UGT2A1: variants seen among roughly 807,000 people sequenced by gnomAD.
UGT2A1 encodes UDP-glucuronosyltransferase 2A1.
A neutral mutation model predicts 45.4 loss-of-function variants in UGT2A1; 61 were observed. The observed-to-expected ratio is 1.34, with a 90% CI of 1.09 to 1.66. The LOEUF is 1.66. Among genes scored for constraint, UGT2A1 ranks in the 40% most tolerant of loss-of-function variants. UGT2A1 has a pLI of 0.00. For synonymous variants in UGT2A1, 229 were observed against 196.2 expected (o/e 1.17, Z -1.40); for missense variants, 649 against 574.3 (o/e 1.13, Z -1.33).
chr4:69,629,215 G>A (rs17674565), intron 3 of UGT2A1, among the ~76,000 whole-genome samples: 28,791 of 151,944 alleles, frequency 0.19, 3,002 homozygotes, highest in Non-Finnish European at 0.22. Context: ...CAGGTAGAAA[G>A]GGAGCCAGGT....
At chr4:69,649,916 T>A (rs1298198555) in intron 1 of UGT2A1, among the ~76,000 whole-genome samples, 2 of 152,104 alleles carry the variant, frequency 1.3e-5, no homozygotes, top group Non-Finnish European at 2.9e-5. Context: ...GTTAAGGGCC[T>A]GCATGTGCAT....
At chr4:69,596,496 G>T in intron 4 of UGT2A1, 3 of 1,304,302 alleles carry the variant, frequency 2.3e-6, no homozygotes, top group Admixed American at 3.3e-5. Context: ...CTGTTGAACT[G>T]TCTGTCTTCT....
At chr4:69,620,214 G>A (rs1486720263) in intron 3 of UGT2A1, among the ~76,000 whole-genome samples, 1 of 151,914 alleles carries the variant, frequency 6.6e-6, no homozygotes, top group Non-Finnish European at 1.5e-5. Context: ...CACACAACAT[G>A]ATTCTATATG....
Position 69,599,278 on chromosome 4 carries a change from A to C in UGT2A1, c.964T>G (p.Leu322Val). Residue 322 changes from leucine (L) to valine (V), a missense_variant, in exon 4 of 7, where the codon TTG becomes GTG. Transcript: ENST00000286604. Reference protein sequence around the residue: ...YLPNFEFVGGLHCKPAKPLPK... With the variant: ...YLPNFEFVGGVHCKPAKPLPK... Reference sequence around the variant, plus strand: ...AAAGGTTTGGCAGGTTTGCAGTGCAATCCTCCAACAAACTCAAAATTAGGT... The same window carrying C: ...AAAGGTTTGGCAGGTTTGCAGTGCACTCCTCCAACAAACTCAAAATTAGGT... 2 of 1,613,742 alleles carry C rather than the reference A, an allele frequency of 1.2e-6. No homozygotes were observed. Among genetic ancestry groups the C allele is most frequent in the Non-Finnish European group, 1.7e-6 (2 of 1,179,874 alleles).
At position 69,640,825 on chromosome 4, in the gene UGT2A1, A is replaced by T. The variant is rs192729895; in HGVS notation, c.716-5003T>A. Among the ~76,000 whole-genome samples the T allele has an allele frequency of 3.6e-3, 549 of 151,964 alleles. 2 individuals carry two copies. Among genetic ancestry groups the T allele is most frequent in the African/African-American group, 0.013 (523 of 41,538 alleles). Reference sequence around the variant, plus strand: ...TAAGCCTCAATTTGAATATAGTGGCAGTACCTTAAAAATTAATTAGATTTT... The same window carrying T: ...TAAGCCTCAATTTGAATATAGTGGCTGTACCTTAAAAATTAATTAGATTTT... On this transcript the variant is annotated intron_variant, in intron 2 of 6. Transcript: ENST00000286604.
rs1295065189 is a variant in UGT2A1 at position 69,628,596 on chromosome 4, T to C, written c.847+7095A>G. 2.0e-5 allele frequency among the ~76,000 whole-genome samples: 3 copies of C among 151,558 alleles called. No homozygotes were observed. The East Asian group carries it at 5.8e-4, about 30-fold the overall frequency. ...TATCTGAAGCCATCACTCTTCAAAT[T>C]TGATGAAAAAAATTCTTAAAACTTA... On this transcript the variant is annotated intron_variant, in intron 3 of 6. Transcript: ENST00000286604.
At chr4:69,624,469 T>C (rs748442663) in intron 3 of UGT2A1, among the ~76,000 whole-genome samples, 2 of 151,566 alleles carry the variant, frequency 1.3e-5, no homozygotes, top group African/African-American at 4.8e-5. Flanking sequence ...AATGTGATTA[T>C]CTACATGTTT....
rs922137266 is a variant in UGT2A1 at position 69,602,558 on chromosome 4, G to A, written c.848-3164C>T. On this transcript the variant is annotated intron_variant, in intron 3 of 6. Transcript: ENST00000286604. The stretch of plus-strand genomic sequence containing the variant: ...AAAACAATATACAGATAAATCTTCA[G>A]AATGAGGAAGAGAAGTTTTAATTTT... Among the ~76,000 whole-genome samples the A allele has an allele frequency of 4.4e-5, 6 of 137,082 alleles. 1 individual carries two copies. The highest frequency in any genetic ancestry group is 2.9e-4 in the Admixed American group (4 of 13,978). 89.9% of individuals were successfully genotyped at this position (137,082 alleles called of 152,430 possible).
In UGT2A1 at chr4:69,647,633, G is replaced by GT. The variant is rs776219444; in HGVS notation, c.11dup (p.Asn4LysfsTer28). ...TTATCTGAAGGGAGAACAGCAGAAG[G>GT]TTGTTTAACATGATGTGGCTTGATG... On this transcript the variant is annotated frameshift_variant, in exon 2 of 7. Transcript: ENST00000286604. LOFTEE classifies it high-confidence loss of function. 5.1e-6 allele frequency: 8 copies of GT among 1,573,326 alleles called. No individual in the cohort carries two copies. Among genetic ancestry groups the GT allele is most frequent in the Non-Finnish European group, 4.3e-6 (5 of 1,161,830 alleles).
intron 1 of UGT2A1, 153 bp from the exon 2 acceptor site, chr4:69,647,851 C>A: frequency 2.5e-6 from 1 of 394,796 alleles, no homozygotes. Flanking sequence ...TGTCTTACTT[C>A]TCAAATCTGT....
At chr4:69,616,547 A>G (rs1463159075) in intron 3 of UGT2A1, among the ~76,000 whole-genome samples, 1 of 151,996 alleles carries the variant, frequency 6.6e-6, no homozygotes, top group East Asian at 1.9e-4. Flanking sequence ...TTAAACAATT[A>G]TAACATGTAC....
Position 69,647,338 on chromosome 4 carries a change from T to C in UGT2A1, c.307A>G (p.Thr103Ala), listed in dbSNP as rs927661180. The C allele has an allele frequency of 2.5e-6, 4 of 1,613,246 alleles. No homozygotes were observed. The African/African-American group carries it at 4.0e-5, about 16-fold the overall frequency. The part of the protein sequence containing the change: ...TWLENRPSPS[T>A]IWRFYQEMAK... Reference sequence around the variant, plus strand: ...ATCTCCTGATAGAATCTCCAAATGGTTGAAGGAGATGGTCTATTTTCCAGC... The same window carrying C: ...ATCTCCTGATAGAATCTCCAAATGGCTGAAGGAGATGGTCTATTTTCCAGC... Residue 103 changes from threonine to alanine, a missense_variant, in exon 2 of 7, where the codon ACC (threonine) becomes GCC (alanine). Thr to Ala is a moderately conservative substitution (Grantham distance 58). Transcript: ENST00000286604.
Position 69,647,374 on chromosome 4 carries a change from C to A in UGT2A1, c.271G>T (p.Val91Phe). The A allele has an allele frequency of 6.2e-7, 1 of 1,613,240 alleles. No homozygotes were observed. The highest frequency in any genetic ancestry group is 8.5e-7 in the Non-Finnish European group (1 of 1,179,506). The change falls in exon 2 of 7, where the codon GTT (valine) becomes TTT (phenylalanine). Residue 91 changes from valine (V) to phenylalanine (F), a missense_variant. Transcript: ENST00000286604. ...ERIEGVIKDF[V>F]LTWLENRPSP... is the part of the protein sequence containing the mutation. ...GGTCTATTTTCCAGCCATGTCAAAA[C>A]GAAGTCCTTAATTACTCCTTCTATT... is the stretch of plus-strand genomic sequence containing the variant.
At chr4:69,628,250 A>C (rs2109950464) in intron 3 of UGT2A1, among the ~76,000 whole-genome samples, 1 of 150,844 alleles carries the variant, frequency 6.6e-6, no homozygotes, top group African/African-American at 2.4e-5. Flanking sequence ...TTAAAGAAAT[A>C]GAAAAAACAA....
chr4:69,652,702 TAAG>T (rs1722597550), intron 1 of UGT2A1, among the ~76,000 whole-genome samples: 1 of 152,144 alleles, frequency 6.6e-6, no homozygotes, highest in African/African-American at 2.4e-5. Context: ...TAAACAATAT[TAAG>T]AAAATAAAAT....
In UGT2A1 at chr4:69,589,122, T is replaced by G. The variant is rs566089567; in HGVS notation, c.*250A>C. 1.8e-4 allele frequency: 59 copies of G among 334,018 alleles called. No individual in the cohort carries two copies. The highest frequency in any genetic ancestry group is 1.2e-3 in the African/African-American group (58 of 47,482). 20.7% of individuals were successfully genotyped at this position (334,018 alleles called of 1,614,324 possible). A position where few individuals can be genotyped will look rare whatever the true frequency, so the allele number is the denominator to read the frequency against. On this transcript the variant is annotated 3_prime_UTR_variant, in exon 7 of 7. Coordinates refer to ENST00000286604, the MANE Select transcript of UGT2A1 (RefSeq NM_001252275.3). ...AGGTAGTATCCTTGTGTCAGAAAAG[T>G]GACAGGAAGAGGGTATAGTCAGCAG...
intron 3 of UGT2A1, among the ~76,000 whole-genome samples, chr4:69,635,173 A>G (rs927883434): frequency 2.6e-5 from 4 of 152,232 alleles, no homozygotes; most frequent in Non-Finnish European, 5.9e-5. Flanking sequence ...TCAGATTTAA[A>G]TTAAATATTA....
intron 3 of UGT2A1, among the ~76,000 whole-genome samples, chr4:69,614,222 C>T (rs980345139): frequency 4.6e-5 from 7 of 151,792 alleles, no homozygotes; most frequent in African/African-American, 1.7e-4. Context: ...CCATTTGCAA[C>T]AGCTACAAAT....
At chr4:69,650,347 G>C (rs1722466133) in intron 1 of UGT2A1, among the ~76,000 whole-genome samples, 1 of 152,060 alleles carries the variant, frequency 6.6e-6, no homozygotes, top group African/African-American at 2.4e-5. Context: ...TGGAAGATAA[G>C]AAAAATACAT....
Sources: gnomAD v4.1 joint callset for allele counts (sites outside exome capture counted in the v4.1 genomes callset) on GRCh38, gnomAD v4.1.1 for gene constraint, MANE v1.5 for transcripts, NCBI Gene and HGNC (gene_info 2026-07-23, HGNC 2026-07-21) for gene names.